Variants in RYR1 observed in about 807,000 individuals in gnomAD.
The protein encoded by RYR1 is central core disease of muscle.
A neutral mutation model predicts 583.5 loss-of-function variants in RYR1; 342 were observed. That is an observed-to-expected ratio of 0.59 (90% CI 0.54 to 0.64). The LOEUF (loss-of-function observed/expected upper bound fraction) is 0.64. Ranked by LOEUF, RYR1 falls within the 30% of genes least tolerant of loss-of-function variation. The pLI is 0.00. For missense variants in RYR1, 6,032 were observed against 6,917.2 expected (o/e 0.87, Z 4.54); for synonymous variants, 2,791 against 2,822.5 (o/e 0.99, Z 0.35).
chr19:38,460,154 G>T (rs960613478), intron 19 of RYR1, among the ~76,000 whole-genome samples: 1 of 152,014 alleles, frequency 6.6e-6, no homozygotes, highest in South Asian at 2.1e-4. Flanking sequence ...AGACCCTCCC[G>T]CTCTCAACTC....
chr19:38,543,573 T>C lies in RYR1; in HGVS notation c.11820T>C (p.Asp3940=). ...SDFYWYYSGK[D]VIEEQGKRNF... is the part of the protein sequence containing the mutation. ...TCTACTGGTACTACTCGGGCAAGGATGTCATTGAAGAGCAGGGCAAGAGGA... is the reference window on the plus strand; with the variant it reads ...TCTACTGGTACTACTCGGGCAAGGACGTCATTGAAGAGCAGGGCAAGAGGA... The change falls in exon 86 of 106, where the codon GAT becomes GAC. Residue 3940 remains aspartate, a synonymous_variant. Coordinates refer to ENST00000359596, the MANE Select transcript of RYR1 (RefSeq NM_000540.3). This position sits in a 1 kb window ranked among gnomAD's most constrained non-coding sequence, Gnocchi z 4.4. 1 of 1,614,030 alleles carries C rather than the reference T, an allele frequency of 6.2e-7. No individual in the cohort carries two copies. The highest frequency in any genetic ancestry group is 8.5e-7 in the Non-Finnish European group (1 of 1,179,992).
chr19:38,472,178 A>G (rs992035527), intron 27 of RYR1, among the ~76,000 whole-genome samples: 1 of 152,106 alleles, frequency 6.6e-6, no homozygotes, highest in Non-Finnish European at 1.5e-5. Flanking sequence ...AGCTCCCCAC[A>G]ACCTCTGCCT....
At position 38,437,756 on chromosome 19, in the gene RYR1, C is replaced by T. The variant is rs372127579; in HGVS notation, c.46-2989C>T. Among the ~76,000 whole-genome samples, 52 of 152,152 alleles carry T rather than the reference C, an allele frequency of 3.4e-4. 1 individual carries two copies. Among genetic ancestry groups the T allele is most frequent in the African/African-American group, 1.3e-3 (52 of 41,444 alleles). ...ACTTGAAACCAGGAGTCGGAAGCTGCAGTGAGCTGTGATCTCGCCACTGCA... is the reference window on the plus strand; with the variant it reads ...ACTTGAAACCAGGAGTCGGAAGCTGTAGTGAGCTGTGATCTCGCCACTGCA... On this transcript the variant is annotated intron_variant, in intron 1 of 105. Coordinates refer to ENST00000359596, the MANE Select transcript of RYR1 (RefSeq NM_000540.3).
At chr19:38,507,083 G>C in intron 57 of RYR1, 131 bp downstream of exon 57, 1 of 1,435,922 alleles carries the variant, frequency 7.0e-7, no homozygotes, top group African/African-American at 1.4e-5. Flanking sequence ...AACCAGAGGG[G>C]AGGAGCTAAG....
At position 38,475,250 on chromosome 19, in the gene RYR1, A is replaced by G. The variant is rs150745225; in HGVS notation, c.4161-68A>G. 7.3e-4 allele frequency: 1,135 copies of G among 1,547,096 alleles called. 12 individuals carry two copies. The African/African-American group carries it at 0.014, about 18-fold the overall frequency. On this transcript the variant is annotated intron_variant, in intron 28 of 105. Coordinates refer to ENST00000359596, the MANE Select transcript of RYR1 (RefSeq NM_000540.3). The stretch of plus-strand genomic sequence containing the variant: ...GTGTATCCAAGCTGGATGTGGGGGC[A>G]TGAATATTGCGGTGGGAGGGCTGGG...
At chr19:38,507,936 T>C (rs1970554024) in intron 58 of RYR1, 109 bp downstream of exon 58, 2 of 673,796 alleles carry the variant, frequency 3.0e-6, no homozygotes, top group Non-Finnish European at 5.3e-6. Context: ...CCTCCCCTTA[T>C]CTGATGTTTA....
intron 101 of RYR1, among the ~76,000 whole-genome samples, chr19:38,582,349 A>G (rs1284351132): frequency 1.3e-5 from 2 of 151,946 alleles, no homozygotes; most frequent in East Asian, 1.9e-4. Context: ...ATGAGCCGAG[A>G]TTGCGCCACT....
intron 82 of RYR1, 148 bp downstream of exon 82, chr19:38,536,218 T>A: frequency 3.0e-6 from 2 of 667,894 alleles, no homozygotes; most frequent in Non-Finnish European, 5.1e-6. Context: ...TCTGCTGTGG[T>A]CCCCCAGTCC....
intron 97 of RYR1, among the ~76,000 whole-genome samples, chr19:38,576,754 C>T (rs1342142569): frequency 2.6e-5 from 4 of 151,726 alleles, no homozygotes; most frequent in Non-Finnish European, 2.9e-5. Context: ...GAGCCGAGAT[C>T]GCGCCATTGC....
Position 38,565,901 on chromosome 19 carries a change from G to A in RYR1, c.13437+130G>A, listed in dbSNP as rs1000856512. 2 of 1,095,950 alleles carry A rather than the reference G, an allele frequency of 1.8e-6. No homozygotes were observed. The highest frequency in any genetic ancestry group is 5.6e-5 in the South Asian group (2 of 35,628). 67.9% of individuals were successfully genotyped at this position (1,095,950 alleles called of 1,614,324 possible). A position where few individuals can be genotyped will look rare whatever the true frequency, so the allele number is the denominator to read the frequency against. ...GGGGATGGGCACACGCACCCACGGA[G>A]GACGCACCCATGGAGGACGCACACG... On this transcript the variant is annotated intron_variant, in intron 91 of 105. Transcript: ENST00000359596. The surrounding 1 kb of genome is among the most constrained non-coding windows in gnomAD (Gnocchi z 4.7).
At chr19:38,545,510 C>T (rs942270563) in intron 87 of RYR1, among the ~76,000 whole-genome samples, 1 of 152,136 alleles carries the variant, frequency 6.6e-6, no homozygotes, top group Non-Finnish European at 1.5e-5. Flanking sequence ...TTTGGTGGAA[C>T]CATATGAAAT....
intron 34 of RYR1, among the ~76,000 whole-genome samples, chr19:38,487,140 G>A (rs751377020): frequency 4.6e-5 from 7 of 151,500 alleles, no homozygotes; most frequent in South Asian, 2.1e-4. Context: ...AGATCCATCC[G>A]TTCCTCCAGT....
chr19:38,437,607 G>C (rs1972483623), intron 1 of RYR1, among the ~76,000 whole-genome samples: 1 of 151,978 alleles, frequency 6.6e-6, no homozygotes, highest in East Asian at 1.9e-4. Flanking sequence ...TTGAGGCCGG[G>C]AGTTCAAAAA....
chr19:38,494,486 GCCCTGCCGCGGGCGTACACCATCTCA>G lies in RYR1; in HGVS notation c.6412_6437del (p.Leu2138ValfsTer106). The G allele has an allele frequency of 6.2e-7, 1 of 1,613,232 alleles. No homozygotes were observed. Among genetic ancestry groups the G allele is most frequent in the Non-Finnish European group, 8.5e-7 (1 of 1,180,022 alleles). On this transcript the variant is annotated frameshift_variant, in exon 39 of 106. Coordinates refer to ENST00000359596, the MANE Select transcript of RYR1 (RefSeq NM_000540.3). LOFTEE classifies it high-confidence loss of function. ...CGACGGGCTGGGTGAGCTGCTGCGT[GCCCTGCCGCGGGCGTACACCATCTCA>G]CCGTCCTCCGTGGAAGACACCATGA...
At chr19:38,563,949 A>C (rs1973268862) in intron 90 of RYR1, among the ~76,000 whole-genome samples, 1 of 152,198 alleles carries the variant, frequency 6.6e-6, no homozygotes, top group Non-Finnish European at 1.5e-5. Context: ...CGCTAGCCCT[A>C]GGCTTGTTTG....
intron 60 of RYR1, among the ~76,000 whole-genome samples, 192 bp downstream of exon 60, chr19:38,510,973 T>C (rs941650214): frequency 6.6e-6 from 1 of 152,146 alleles, no homozygotes; most frequent in Non-Finnish European, 1.5e-5. Flanking sequence ...CTCAGGCAAC[T>C]TGGGACAAAT....
At chr19:38,540,979 A>G (rs116534638) in intron 84 of RYR1, among the ~76,000 whole-genome samples, 2,436 of 152,160 alleles carry the variant, frequency 0.016, 70 homozygotes, top group African/African-American at 0.056. Context: ...ATATTACAGT[A>G]TAATAAACCC....
At chr19:38,467,564 C>T in intron 24 of RYR1, 46 bp from the exon 25 acceptor site, 1 of 1,600,590 alleles carries the variant, frequency 6.2e-7, no homozygotes, top group Non-Finnish European at 8.6e-7. Context: ...GTCTTGGGAT[C>T]CACATCTTCC....
intron 47 of RYR1, 132 bp downstream of exon 47, chr19:38,501,122 C>G: frequency 1.2e-6 from 1 of 837,564 alleles, no homozygotes; most frequent in Admixed American, 2.3e-5. Flanking sequence ...CCAATACCAT[C>G]ATCAAGATAG....
Sources: allele counts gnomAD v4.1 joint callset (sites outside exome capture counted in the v4.1 genomes callset), GRCh38; gene constraint gnomAD v4.1.1; non-coding constraint Gnocchi (gnomAD v3.1); transcripts MANE v1.5; gene names NCBI Gene and HGNC (gene_info 2026-07-23, HGNC 2026-07-21).